The following EYA2 variants were observed in gnomAD, a reference collection of about 807,000 sequenced individuals.
The protein encoded by EYA2 is protein phosphatase EYA2.
EYA2 carries 31 observed loss-of-function variants against 69.2 expected under a neutral mutation model. The ratio of observed to expected loss-of-function variants is 0.45; its 90% CI spans 0.34 to 0.60. The LOEUF (loss-of-function observed/expected upper bound fraction) is 0.60, where lower values mean the gene tolerates loss of function less well. EYA2 is among the 20% of genes least tolerant of loss of function. The pLI is 0.02. For synonymous variants in EYA2, 257 were observed against 279.4 expected (o/e 0.92, Z 0.80); for missense variants, 622 against 701.2 (o/e 0.89, Z 1.28).
chr20:46,926,861 T>C (rs1387319828), intron 1 of EYA2, among the ~76,000 whole-genome samples: 2 of 152,200 alleles, frequency 1.3e-5, no homozygotes, highest in Non-Finnish European at 2.9e-5. Context: ...GGCTCACTGG[T>C]TGCTGCACAC....
chr20:47,101,574 G>T (rs1378543769), intron 9 of EYA2, among the ~76,000 whole-genome samples: 1 of 152,204 alleles, frequency 6.6e-6, no homozygotes, highest in Non-Finnish European at 1.5e-5. Context: ...GAGAAAAGAA[G>T]AATGGGTATT....
chr20:47,067,802 G>T (rs1320974579), intron 5 of EYA2, among the ~76,000 whole-genome samples: 2 of 151,916 alleles, frequency 1.3e-5, no homozygotes, highest in Admixed American at 6.6e-5. Context: ...CATTCTTTCT[G>T]GGTAGAGCTG....
In EYA2 at chr20:47,055,772, T is replaced by C. The variant is rs75746477; in HGVS notation, c.416-16413T>C. Among the ~76,000 whole-genome samples, 10 of 152,278 alleles carry C rather than the reference T, an allele frequency of 6.6e-5. No homozygotes were observed. In the East Asian group the frequency reaches 1.7e-3, roughly 26 times the overall value. ...CTAAGAGGTCTTCCAAATGTATTGA[T>C]CCCCTGTTTAACTGAAATCAACAAA... On this transcript the variant is annotated intron_variant, in intron 5 of 15. Transcript: ENST00000327619.
intron 10 of EYA2, among the ~76,000 whole-genome samples, chr20:47,144,520 G>T (rs2033663994): frequency 6.6e-6 from 1 of 152,162 alleles, no homozygotes; most frequent in African/African-American, 2.4e-5. Flanking sequence ...ATCCATCCTG[G>T]CTAGCCCAAG....
chr20:46,995,989 T>C (rs1409614592), intron 2 of EYA2, among the ~76,000 whole-genome samples: 1 of 152,238 alleles, frequency 6.6e-6, no homozygotes, highest in Non-Finnish European at 1.5e-5. Context: ...CATGGCTGTA[T>C]TGCAGCACAG....
chr20:47,085,433 G>A (rs1363607246), intron 7 of EYA2, among the ~76,000 whole-genome samples: 1 of 151,932 alleles, frequency 6.6e-6, no homozygotes, highest in Non-Finnish European at 1.5e-5. Flanking sequence ...GGATCATGAG[G>A]TCAAGAGATC....
chr20:46,927,857 G>C (rs1337502891), intron 1 of EYA2, among the ~76,000 whole-genome samples: 1 of 152,154 alleles, frequency 6.6e-6, no homozygotes, highest in Non-Finnish European at 1.5e-5. Context: ...AATACGAGTC[G>C]CTAGTACCTG....
intron 13 of EYA2, among the ~76,000 whole-genome samples, chr20:47,180,258 T>C (rs1051196459): frequency 2.0e-5 from 3 of 152,166 alleles, no homozygotes; most frequent in Non-Finnish European, 4.4e-5. Context: ...CTCGAACTCC[T>C]GACCTCAGGT....
chr20:47,000,216 G>A (rs1982276655), intron 2 of EYA2, among the ~76,000 whole-genome samples: 1 of 152,190 alleles, frequency 6.6e-6, no homozygotes, highest in African/African-American at 2.4e-5. Context: ...AGAGAGCTTG[G>A]CACGTAATAA....
chr20:47,181,468 C>T (rs1366563256), intron 14 of EYA2, among the ~76,000 whole-genome samples: 1 of 152,192 alleles, frequency 6.6e-6, no homozygotes, highest in Non-Finnish European at 1.5e-5. Flanking sequence ...TTCCTGTTAG[C>T]CCCAGCTTAG....
At chr20:47,109,870 C>T (rs900020168) in intron 9 of EYA2, among the ~76,000 whole-genome samples, 1 of 152,218 alleles carries the variant, frequency 6.6e-6, no homozygotes, top group Admixed American at 6.5e-5. Flanking sequence ...CCACAATGCA[C>T]AGGATGGCCC....
At chr20:47,146,412 G>A (rs1301068365) in intron 10 of EYA2, among the ~76,000 whole-genome samples, 1 of 152,186 alleles carries the variant, frequency 6.6e-6, no homozygotes, top group Admixed American at 6.5e-5. Flanking sequence ...CCACTCTGCT[G>A]TTTCTGTCTG....
chr20:47,005,419 C>T (rs1436356978), intron 4 of EYA2, among the ~76,000 whole-genome samples: 2 of 152,228 alleles, frequency 1.3e-5, no homozygotes, highest in Admixed American at 6.5e-5. Flanking sequence ...GTGTAAGTCT[C>T]TTTCCATCTT....
intron 1 of EYA2, among the ~76,000 whole-genome samples, chr20:46,945,884 G>T (rs1978423891): frequency 6.6e-6 from 1 of 152,222 alleles, no homozygotes; most frequent in African/African-American, 2.4e-5. Context: ...ATCAGCTGTT[G>T]ACAGTGGGCC....
chr20:47,080,808 A>G (rs62202506), intron 7 of EYA2, among the ~76,000 whole-genome samples: 134,667 of 152,102 alleles, frequency 0.89, 60,874 homozygotes, highest in Non-Finnish European at 0.98. Flanking sequence ...GCGAACTGCC[A>G]CTTTCTTAAA....
chr20:47,025,079 C>T (rs1984000476), intron 5 of EYA2, among the ~76,000 whole-genome samples: 2 of 152,212 alleles, frequency 1.3e-5, no homozygotes, highest in South Asian at 4.1e-4. Flanking sequence ...GCCCTTGTTT[C>T]CATAATTCAG....
At chr20:47,080,731 C>A (rs2031682704) in intron 7 of EYA2, among the ~76,000 whole-genome samples, 1 of 151,824 alleles carries the variant, frequency 6.6e-6, no homozygotes, top group Non-Finnish European at 1.5e-5. Flanking sequence ...ACAATCATGG[C>A]TGAAAAAAAG....
At chr20:47,018,441 A>G (rs780619604) in intron 5 of EYA2, among the ~76,000 whole-genome samples, 6 of 152,232 alleles carry the variant, frequency 3.9e-5, no homozygotes, top group Non-Finnish European at 8.8e-5. Context: ...AAGTAGATAG[A>G]TAATTATAGA....
intron 5 of EYA2, among the ~76,000 whole-genome samples, chr20:47,040,277 C>T (rs1341061469): frequency 2.0e-5 from 3 of 152,234 alleles, no homozygotes; most frequent in Non-Finnish European, 2.9e-5. Flanking sequence ...TTCATACACA[C>T]TAGCAGGTCT....
Sources: allele counts gnomAD v4.1 joint callset (sites outside exome capture counted in the v4.1 genomes callset), GRCh38; gene constraint gnomAD v4.1.1; transcripts MANE v1.5; gene names NCBI Gene and HGNC (gene_info 2026-07-23, HGNC 2026-07-21).